Variants in DOCK1 observed in about 807,000 individuals in gnomAD.
DOCK1 encodes the protein dedicator of cytokinesis protein 1.
DOCK1 carries 138 observed loss-of-function variants against 262.7 expected under a neutral mutation model. The observed-to-expected ratio is 0.53, with a 90% CI of 0.46 to 0.61. DOCK1 has a LOEUF of 0.61. Ranked by LOEUF, DOCK1 falls within the 20% of genes least tolerant of loss-of-function variation. The pLI, the probability that DOCK1 is intolerant of heterozygous loss-of-function variation, is 0.00. For missense variants in DOCK1, 1,908 were observed against 2,370.7 expected (o/e 0.80, Z 4.05); for synonymous variants, 866 against 867.4 (o/e 1.00, Z 0.03).
intron 47 of DOCK1, among the ~76,000 whole-genome samples, chr10:127,428,666 G>C (rs144813979): frequency 0.037 from 5,479 of 147,806 alleles, 109 homozygotes; most frequent in Non-Finnish European, 0.054. Context: ...TTGGGGTGCC[G>C]TGTGGATTGG....
chr10:127,292,314 C>T (rs1245447343), intron 29 of DOCK1, among the ~76,000 whole-genome samples: 2 of 152,156 alleles, frequency 1.3e-5, no homozygotes, highest in Non-Finnish European at 2.9e-5. Context: ...CAGGGTTCTG[C>T]CCTGGGCCCT....
rs529298057 is a variant in DOCK1, at chr10:127,176,338, G to C, written c.2847+48574G>C. ...ATCTCCAGGGCCAGGCAGGCGGCGG[G>C]TTCCACTTCACTCTCCGACGTTGTG... is the stretch of plus-strand genomic sequence containing the variant. On this transcript the variant is annotated intron_variant, in intron 27 of 51. Transcript: ENST00000623213. This position sits in a 1 kb window ranked among gnomAD's most constrained non-coding sequence, Gnocchi z 4.4. The C allele has an allele frequency of 8.1e-6, 13 of 1,613,848 alleles. No individual in the cohort carries two copies. The South Asian group carries it at 9.9e-5, about 12-fold the overall frequency.
intron 29 of DOCK1, among the ~76,000 whole-genome samples, chr10:127,277,604 CA>C (rs2060788358): frequency 6.6e-6 from 1 of 152,012 alleles, no homozygotes. Flanking sequence ...CTAAAAAATA[CA>C]AAAAATTATT....
chr10:127,419,476 C>T (rs1252527028), intron 45 of DOCK1, among the ~76,000 whole-genome samples, 190 bp from the exon 46 acceptor site: 1 of 152,226 alleles, frequency 6.6e-6, no homozygotes, highest in Non-Finnish European at 1.5e-5. Context: ...GTTAGCTCCA[C>T]TTACAGTGTT....
At chr10:127,124,123 G>C (rs1373200325) in intron 25 of DOCK1, among the ~76,000 whole-genome samples, 1 of 152,166 alleles carries the variant, frequency 6.6e-6, no homozygotes, top group Non-Finnish European at 1.5e-5. Flanking sequence ...CTCTCTGCCT[G>C]CTCCCCAGTC....
intron 18 of DOCK1, among the ~76,000 whole-genome samples, chr10:127,035,499 C>T (rs1246157318): frequency 1.3e-5 from 2 of 152,152 alleles, no homozygotes; most frequent in Non-Finnish European, 2.9e-5. Flanking sequence ...ACTCCCTTTG[C>T]TCCAAGGTGT....
intron 27 of DOCK1, among the ~76,000 whole-genome samples, chr10:127,235,081 A>G (rs1019963601): frequency 6.7e-6 from 1 of 149,538 alleles, no homozygotes; most frequent in Non-Finnish European, 1.5e-5. Flanking sequence ...TATACTTTGT[A>G]TGTATAGAAT....
At chr10:127,159,158 A>G (rs1007031288) in intron 27 of DOCK1, among the ~76,000 whole-genome samples, 2 of 152,232 alleles carry the variant, frequency 1.3e-5, no homozygotes, top group East Asian at 3.9e-4. Context: ...TGGACAAGCC[A>G]ATTCTACAAG....
In DOCK1 at chr10:127,206,102, T is replaced by A. The variant is rs187724764; in HGVS notation, c.2848-41906T>A. 1.6e-3 allele frequency among the ~76,000 whole-genome samples: 236 copies of A among 151,816 alleles called. 3 individuals carry two copies. Among genetic ancestry groups the A allele is most frequent in the African/African-American group, 5.2e-3 (215 of 41,478 alleles). ...AAAGGTGACTTTTTAGAACATCATCTATTACATTGTCATCTACCATATATT... is the reference window on the plus strand; with the variant it reads ...AAAGGTGACTTTTTAGAACATCATCAATTACATTGTCATCTACCATATATT... On this transcript the variant is annotated intron_variant, in intron 27 of 51. Transcript: ENST00000623213.
intron 27 of DOCK1, among the ~76,000 whole-genome samples, chr10:127,246,798 A>C (rs1050745032): frequency 1.3e-5 from 2 of 152,254 alleles, no homozygotes. Context: ...TTAATATAAA[A>C]GACATTTAGG....
chr10:127,159,397 A>C (rs942972892), intron 27 of DOCK1, among the ~76,000 whole-genome samples: 27 of 152,302 alleles, frequency 1.8e-4, no homozygotes, highest in African/African-American at 6.5e-4. Context: ...CCTTTATAAT[A>C]ATCGGCTCTA....
chr10:127,271,929 G>A (rs1027237159), intron 29 of DOCK1: 5 of 148,710 alleles, frequency 3.4e-5, no homozygotes, highest in African/African-American at 7.4e-5. Flanking sequence ...AGATCTATTA[G>A]CCAGAGCTAA....
chr10:127,112,395 G>A (rs748307627), intron 25 of DOCK1, among the ~76,000 whole-genome samples: 35 of 152,098 alleles, frequency 2.3e-4, no homozygotes, highest in Non-Finnish European at 4.1e-4. Flanking sequence ...TATATTCGAT[G>A]ATTTTGTTAG....
At chr10:127,125,678 G>A in intron 26 of DOCK1, 77 bp downstream of exon 26, 9 of 1,533,118 alleles carry the variant, frequency 5.9e-6, no homozygotes, top group Non-Finnish European at 7.9e-6. Context: ...ACTTTATTCA[G>A]TTAAAAATGA....
At chr10:126,960,874 A>G (rs1488851941) in intron 1 of DOCK1, among the ~76,000 whole-genome samples, 1 of 138,418 alleles carries the variant, frequency 7.2e-6, no homozygotes, top group Non-Finnish European at 1.5e-5. Flanking sequence ...ACCCAATAGA[A>G]AAAAAAAAAG....
chr10:127,264,663 GA>G (rs1400606582), intron 29 of DOCK1, among the ~76,000 whole-genome samples: 1 of 151,916 alleles, frequency 6.6e-6, no homozygotes, highest in African/African-American at 2.4e-5. Context: ...TTACAATGTA[GA>G]TTTTTTTTTT....
intron 22 of DOCK1, among the ~76,000 whole-genome samples, chr10:127,061,247 T>C (rs9418821): frequency 0.18 from 26,815 of 152,064 alleles, 2,512 homozygotes; most frequent in South Asian, 0.32. Flanking sequence ...ATAAATAAAA[T>C]AAAAATAAAA....
At chr10:127,347,973 G>T (rs1313562049) in intron 31 of DOCK1, among the ~76,000 whole-genome samples, 2 of 145,822 alleles carry the variant, frequency 1.4e-5, no homozygotes, top group Admixed American at 1.4e-4. Context: ...AGAAATTCCA[G>T]CATCAGGAAA....
chr10:127,390,909 G>A (rs529013303), intron 38 of DOCK1, among the ~76,000 whole-genome samples: 45 of 152,302 alleles, frequency 3.0e-4, no homozygotes, highest in Admixed American at 2.0e-4. Context: ...CCTATTGGAC[G>A]GTGGTTCCTG....
Sources: allele counts gnomAD v4.1 joint callset (sites outside exome capture counted in the v4.1 genomes callset), GRCh38; gene constraint gnomAD v4.1.1; non-coding constraint Gnocchi (gnomAD v3.1); transcripts MANE v1.5; gene names NCBI Gene and HGNC (gene_info 2026-07-23, HGNC 2026-07-21).